GLIS3: variants seen among roughly 807,000 people sequenced by gnomAD.
The protein encoded by GLIS3 is GLIS family zinc finger 3.
In GLIS3, 53 loss-of-function variants were observed where a neutral mutation model predicts 78.6. That is an observed-to-expected ratio of 0.67 (90% confidence interval 0.54 to 0.85). The LOEUF is 0.85. GLIS3 is among the 40% of genes least tolerant of loss of function. The pLI, the probability that GLIS3 is intolerant of heterozygous loss-of-function variation, is 0.00. For synonymous variants in GLIS3, 684 were observed against 509.9 expected (o/e 1.34, Z -4.60); for missense variants, 1,703 against 1,231.1 (o/e 1.38, Z -5.74).
At chr9:4,456,183 T>C in the GLIS3 span, among the ~76,000 whole-genome samples, 1 of 152,192 alleles carries the variant, frequency 6.6e-6, no homozygotes, top group Non-Finnish European at 1.5e-5. Context: ...TAAAAAGCAA[T>C]GCACAAACTT....
At chr9:3,857,252 T>A (rs914938072) in intron 8 of GLIS3, among the ~76,000 whole-genome samples, 1 of 152,190 alleles carries the variant, frequency 6.6e-6, no homozygotes, top group Non-Finnish European at 1.5e-5. Flanking sequence ...CCTTACACTG[T>A]GTAGAAAGAC....
chr9:4,274,268 A>G (rs1826790691), intron 2 of GLIS3, among the ~76,000 whole-genome samples: 1 of 152,206 alleles, frequency 6.6e-6, no homozygotes, highest in Non-Finnish European at 1.5e-5. Flanking sequence ...GACCAGTGCC[A>G]AACAAAAATG....
chr9:3,962,952 G>GA (rs929196377), intron 4 of GLIS3, among the ~76,000 whole-genome samples: 1 of 150,996 alleles, frequency 6.6e-6, no homozygotes, highest in African/African-American at 2.5e-5. Flanking sequence ...TTTAAGGGGG[G>GA]GGGGGGGAGA....
chr9:3,879,524 C>T lies in GLIS3; in HGVS notation c.2200G>A (p.Val734Ile). The T allele has an allele frequency of 6.2e-7, 1 of 1,614,110 alleles. No individual in the cohort carries two copies. Among genetic ancestry groups the T allele is most frequent in the Non-Finnish European group, 8.5e-7 (1 of 1,180,016 alleles). The part of the protein sequence containing the change: ...AAGAVPPPHP[V>I]SHPSPGHNVQ... ...TTATGTCCTGGAGAAGGGTGACTGA[C>T]AGGATGTGGGGGTGGTACGGCCCCA... The change falls in exon 8 of 11, where the codon GTC becomes ATC. Residue 734 changes from valine to isoleucine, a missense_variant. By Grantham distance (29) the Val-to-Ile change is conservative (BLOSUM62 3). Transcript: ENST00000381971.
the GLIS3 span, among the ~76,000 whole-genome samples, chr9:4,407,073 A>G: frequency 6.6e-6 from 1 of 152,262 alleles, no homozygotes; most frequent in Non-Finnish European, 1.5e-5. Context: ...CTAAAACAGC[A>G]TGGTAATGGT....
intron 4 of GLIS3, among the ~76,000 whole-genome samples, chr9:4,102,351 C>G (rs1830433663): frequency 6.6e-6 from 1 of 152,120 alleles, no homozygotes; most frequent in African/African-American, 2.4e-5. Context: ...TTTTTTAAGC[C>G]AAGTATCTGT....
chr9:4,402,624 T>C, the GLIS3 span, among the ~76,000 whole-genome samples: 5 of 151,930 alleles, frequency 3.3e-5, no homozygotes, highest in Admixed American at 3.3e-4. Flanking sequence ...AACAAAAAGA[T>C]TGAAACAATT....
At chr9:4,064,356 A>G (rs542083188) in intron 4 of GLIS3, among the ~76,000 whole-genome samples, 12 of 152,330 alleles carry the variant, frequency 7.9e-5, no homozygotes, top group African/African-American at 2.6e-4. Context: ...TACACAAATC[A>G]TAGAAGTTAT....
Position 3,926,916 on chromosome 9 carries a change from G to A in GLIS3, c.1983+5444C>T, listed in dbSNP as rs183165034. Among the ~76,000 whole-genome samples the A allele has an allele frequency of 2.8e-3, 432 of 152,194 alleles. 4 individuals carry two copies. The highest frequency in any genetic ancestry group is 9.3e-3 in the African/African-American group (386 of 41,536). On this transcript the variant is annotated intron_variant, in intron 6 of 10. Coordinates refer to ENST00000381971, the MANE Select transcript of GLIS3 (RefSeq NM_001042413.2). The stretch of plus-strand genomic sequence containing the variant: ...CTGGGATTACAGGCGTGAGCCATTG[G>A]GCCTGGCCTCATTTCTAAATTAGTC...
chr9:4,437,208 T>G, the GLIS3 span, among the ~76,000 whole-genome samples: 1 of 152,294 alleles, frequency 6.6e-6, no homozygotes, highest in Admixed American at 6.5e-5. Context: ...AATGAAGAAT[T>G]TGAGATCTTT....
the GLIS3 span, among the ~76,000 whole-genome samples, chr9:4,358,750 A>G: frequency 3.3e-5 from 5 of 152,148 alleles, no homozygotes; most frequent in African/African-American, 4.8e-5. Context: ...GTGTGTACAT[A>G]TGTGTCCAGG....
chr9:3,895,542 TG>T (rs888111004), intron 7 of GLIS3, among the ~76,000 whole-genome samples: 33 of 152,202 alleles, frequency 2.2e-4, no homozygotes, highest in African/African-American at 7.7e-4. Flanking sequence ...TGCTTTAACC[TG>T]GGACGCTATT....
chr9:4,362,216 T>A, the GLIS3 span, among the ~76,000 whole-genome samples: 4 of 152,368 alleles, frequency 2.6e-5, no homozygotes, highest in East Asian at 1.9e-4. Context: ...GGAGATTTTT[T>A]AAATGCATTT....
chr9:4,416,593 T>C, the GLIS3 span, among the ~76,000 whole-genome samples: 1 of 152,148 alleles, frequency 6.6e-6, no homozygotes, highest in Non-Finnish European at 1.5e-5. Flanking sequence ...CTTCCATTAT[T>C]TTATTCTTTG....
At chr9:4,086,461 C>T (rs1409066327) in intron 4 of GLIS3, among the ~76,000 whole-genome samples, 4 of 152,212 alleles carry the variant, frequency 2.6e-5, no homozygotes, top group Non-Finnish European at 5.9e-5. Flanking sequence ...GGTATTCCCA[C>T]GACCTAACAC....
rs562019349 is a variant in GLIS3 at position 4,226,184 on chromosome 9, C to T, written c.388+59854G>A. Among the ~76,000 whole-genome samples, 18 of 152,188 alleles carry T rather than the reference C, an allele frequency of 1.2e-4. No homozygotes were observed. The East Asian group carries it at 2.3e-3, about 20-fold the overall frequency. On this transcript the variant is annotated intron_variant, in intron 2 of 10. Transcript: ENST00000381971. ...TTCTCAACAGATAACGTATTGGATA[C>T]TCAAATTAATTCTGCTTTCCAATAT...
chr9:4,025,044 G>A (rs1345719827), intron 4 of GLIS3, among the ~76,000 whole-genome samples: 3 of 151,944 alleles, frequency 2.0e-5, no homozygotes, highest in Non-Finnish European at 4.4e-5. Context: ...GAGGTCAGGA[G>A]TTCGAGACCA....
intron 4 of GLIS3, among the ~76,000 whole-genome samples, chr9:4,114,229 T>C (rs966737648): frequency 6.6e-6 from 1 of 152,178 alleles, no homozygotes; most frequent in Non-Finnish European, 1.5e-5. Context: ...ACACACTTAC[T>C]GGGCACCGTT....
At chr9:4,473,712 C>T in the GLIS3 span, among the ~76,000 whole-genome samples, 1 of 152,114 alleles carries the variant, frequency 6.6e-6, no homozygotes, top group South Asian at 2.1e-4. Context: ...ACAAAATAAT[C>T]TGTACAACAA....
Sources: gnomAD v4.1 joint callset for allele counts (sites outside exome capture counted in the v4.1 genomes callset) on GRCh38, gnomAD v4.1.1 for gene constraint, MANE v1.5 for transcripts, NCBI Gene and HGNC (gene_info 2026-07-23, HGNC 2026-07-21) for gene names.